The following GID4 variants were observed in gnomAD, a reference collection of about 807,000 sequenced individuals.
GID4 encodes glucose-induced degradation protein 4 homolog.
Under a neutral mutation model 32.4 loss-of-function variants are expected in GID4, and 7 were observed. The ratio of observed to expected loss-of-function variants is 0.22; its 90% CI spans 0.12 to 0.41. The LOEUF (loss-of-function observed/expected upper bound fraction) is 0.41. Ranked by LOEUF, GID4 falls within the 10% of genes least tolerant of loss-of-function variation. GID4 has a pLI of 1.00. For missense variants in GID4, 309 were observed against 400.0 expected (o/e 0.77, Z 1.94); for synonymous variants, 166 against 170.0 (o/e 0.98, Z 0.18).
intron 3 of GID4, among the ~76,000 whole-genome samples, chr17:18,054,796 A>C (rs1436878271): frequency 1.3e-5 from 2 of 152,090 alleles, no homozygotes; most frequent in African/African-American, 4.8e-5. Context: ...GAGCATTCTC[A>C]CTCAGCAGTA....
Position 18,061,134 on chromosome 17 carries a change from C to T in GID4, c.709-711C>T, listed in dbSNP as rs1042067107. On this transcript the variant is annotated intron_variant, in intron 4 of 5. Coordinates refer to ENST00000268719, the MANE Select transcript of GID4 (RefSeq NM_024052.5). The surrounding 1 kb of genome is among the most constrained non-coding windows in gnomAD (Gnocchi z 4.4). ...TTAAAAAGCAATGGGCTTGTTTTGC[C>T]TCCAAAGAATGTCTCAGAGTGGCTC... Among the ~76,000 whole-genome samples the T allele has an allele frequency of 2.6e-5, 4 of 152,168 alleles. No individual in the cohort carries two copies. The highest frequency in any genetic ancestry group is 9.7e-5 in the African/African-American group (4 of 41,424).
chr17:18,043,397 T>C (rs1019143822), intron 1 of GID4, among the ~76,000 whole-genome samples: 3 of 152,244 alleles, frequency 2.0e-5, no homozygotes, highest in African/African-American at 7.2e-5. Context: ...CCTGATACAC[T>C]TTTCAGCAGC....
In GID4 at chr17:18,065,381, G is replaced by A; in HGVS notation, c.*138G>A. ...CAGACTCGCATCACAAAGCATGAAT[G>A]TTAACCCACAGAATCCAAGGAGCAT... is the stretch of plus-strand genomic sequence containing the variant. On this transcript the variant is annotated 3_prime_UTR_variant, in exon 6 of 6. Coordinates refer to ENST00000268719, the MANE Select transcript of GID4 (RefSeq NM_024052.5). The A allele has an allele frequency of 1.4e-6, 1 of 706,360 alleles. No homozygotes were observed. Among genetic ancestry groups the A allele is most frequent in the Non-Finnish European group, 2.5e-6 (1 of 399,888 alleles). 43.8% of individuals were successfully genotyped at this position (706,360 alleles called of 1,614,324 possible).
chr17:18,056,339 A>G (rs1235820575), intron 3 of GID4, among the ~76,000 whole-genome samples: 1 of 152,264 alleles, frequency 6.6e-6, no homozygotes, highest in Non-Finnish European at 1.5e-5. Flanking sequence ...GAGAATGCAC[A>G]AGACCTGAGT....
Position 18,067,248 on chromosome 17 carries a change from G to A in GID4, c.*2005G>A, listed in dbSNP as rs1299970475. On this transcript the variant is annotated 3_prime_UTR_variant, in exon 6 of 6. Transcript: ENST00000268719. ...GCCCATACCTTCTGCATTTTTCCAG[G>A]CCTGTGAGGGATATAGGCCTCCCCT... 1.3e-5 allele frequency: 2 copies of A among 152,302 alleles called. No homozygotes were observed. The highest frequency in any genetic ancestry group is 2.4e-5 in the African/African-American group (1 of 41,438). 9.4% of individuals were successfully genotyped at this position (152,302 alleles called of 1,614,324 possible). A position where few individuals can be genotyped will look rare whatever the true frequency, so the allele number is the denominator to read the frequency against.
intron 1 of GID4, among the ~76,000 whole-genome samples, chr17:18,042,378 A>G (rs2044811473): frequency 6.6e-6 from 1 of 152,208 alleles, no homozygotes; most frequent in Non-Finnish European, 1.5e-5. Context: ...TCTATTCTGG[A>G]CATTTCATAT....
At chr17:18,040,670 CTT>C (rs1259125080) in intron 1 of GID4, among the ~76,000 whole-genome samples, 3 of 152,246 alleles carry the variant, frequency 2.0e-5, no homozygotes, top group Admixed American at 6.5e-5. Flanking sequence ...CATTTGCAGT[CTT>C]TTCCCAGTCT....
chr17:18,039,971 T>C lies in GID4; in HGVS notation c.438+69T>C. 1 of 1,276,238 alleles carries C rather than the reference T, an allele frequency of 7.8e-7. No homozygotes were observed. Among genetic ancestry groups the C allele is most frequent in the Non-Finnish European group, 9.9e-7 (1 of 1,007,208 alleles). The allele number at this position is 1,276,238 out of a possible 1,614,324, so 79.1% of individuals were successfully genotyped here. A position where few individuals can be genotyped will look rare whatever the true frequency, so the allele number is the denominator to read the frequency against. On this transcript the variant is annotated intron_variant, in intron 1 of 5. Transcript: ENST00000268719. This position sits in a 1 kb window ranked among gnomAD's most constrained non-coding sequence, Gnocchi z 5.3. Reference sequence around the variant, plus strand: ...GCTCACGGGCCGTGCCCGCTTCGGCTCCTCGACCCCGCAGCCGCGGAACAG... The same window carrying C: ...GCTCACGGGCCGTGCCCGCTTCGGCCCCTCGACCCCGCAGCCGCGGAACAG...
chr17:18,054,733 C>T (rs2044948198), intron 3 of GID4, among the ~76,000 whole-genome samples: 1 of 152,214 alleles, frequency 6.6e-6, no homozygotes, highest in Non-Finnish European at 1.5e-5. Flanking sequence ...ATAGTCTTGT[C>T]TTAAGTACAC....
Position 18,061,080 on chromosome 17 carries a change from TAAGG to T in GID4, c.709-762_709-759del, listed in dbSNP as rs1202585943. Among the ~76,000 whole-genome samples the T allele has an allele frequency of 6.6e-6, 1 of 152,162 alleles. No homozygotes were observed. The highest frequency in any genetic ancestry group is 2.4e-5 in the African/African-American group (1 of 41,424). ...AAAAGCCACAATTTTAGAAGTTGAA[TAAGG>T]AATGGGAGGGTGTCTTAAATTTGTT... On this transcript the variant is annotated intron_variant, in intron 4 of 5. Coordinates refer to ENST00000268719, the MANE Select transcript of GID4 (RefSeq NM_024052.5). The surrounding 1 kb of genome is among the most constrained non-coding windows in gnomAD (Gnocchi z 4.4).
At chr17:18,047,697 C>A (rs1157670851) in intron 2 of GID4, among the ~76,000 whole-genome samples, 1 of 152,198 alleles carries the variant, frequency 6.6e-6, no homozygotes, top group Non-Finnish European at 1.5e-5. Context: ...GTTCCTGGTC[C>A]AGCAATAAAT....
At chr17:18,049,377 A>G (rs1357185186) in intron 2 of GID4, among the ~76,000 whole-genome samples, 1 of 151,870 alleles carries the variant, frequency 6.6e-6, no homozygotes, top group African/African-American at 2.4e-5. Flanking sequence ...AAAAAAAAAA[A>G]AGGAGCTAAA....
chr17:18,054,932 G>A (rs2044950503), intron 3 of GID4, among the ~76,000 whole-genome samples: 1 of 152,178 alleles, frequency 6.6e-6, no homozygotes, highest in South Asian at 2.1e-4. Flanking sequence ...AGCACTTTGG[G>A]AGGCCGAGGC....
intron 2 of GID4, among the ~76,000 whole-genome samples, chr17:18,052,231 C>T (rs774108271): frequency 1.3e-5 from 2 of 151,846 alleles, no homozygotes; most frequent in African/African-American, 2.4e-5. Flanking sequence ...GGGTTTGGGG[C>T]AGTATTAGAT....
intron 2 of GID4, among the ~76,000 whole-genome samples, chr17:18,053,009 C>CTTTTTTTTTTTT (rs71155312): frequency 1.2e-5 from 1 of 83,276 alleles, no homozygotes; most frequent in Non-Finnish European, 2.1e-5. Context: ...AAAGTATTTA[C>CTTTTTTTTTTTT]TTTTTTTTTT....
At chr17:18,053,130 C>CA (rs1375027711) in intron 2 of GID4, among the ~76,000 whole-genome samples, 1 of 147,112 alleles carries the variant, frequency 6.8e-6, no homozygotes, top group Non-Finnish European at 1.5e-5. Context: ...TCTCCTGCCT[C>CA]AGCCTCCCGA....
chr17:18,068,283 T>C lies in GID4; in HGVS notation c.*3040T>C, dbSNP rs1482069875. ...GACTTGAATGGGCACAAAGTATAAA[T>C]ATTTTGTTTCTTTATGGAGGACATG... is the stretch of plus-strand genomic sequence containing the variant. On this transcript the variant is annotated 3_prime_UTR_variant, in exon 6 of 6. Coordinates refer to ENST00000268719, the MANE Select transcript of GID4 (RefSeq NM_024052.5). 1 of 152,630 alleles carries C rather than the reference T, an allele frequency of 6.6e-6. No individual in the cohort carries two copies. The highest frequency in any genetic ancestry group is 1.5e-5 in the Non-Finnish European group (1 of 68,046). 9.5% of individuals were successfully genotyped at this position (152,630 alleles called of 1,614,324 possible). A position where few individuals can be genotyped will look rare whatever the true frequency, so the allele number is the denominator to read the frequency against.
intron 5 of GID4, among the ~76,000 whole-genome samples, chr17:18,062,460 T>C (rs1242034045): frequency 6.6e-6 from 1 of 152,158 alleles, no homozygotes; most frequent in East Asian, 1.9e-4. Context: ...GTGTCACCAA[T>C]AGTAAAGGAC....
chr17:18,054,392 T>G (rs907037620), intron 3 of GID4, among the ~76,000 whole-genome samples, 158 bp downstream of exon 3: 1 of 152,176 alleles, frequency 6.6e-6, no homozygotes, highest in African/African-American at 2.4e-5. Flanking sequence ...CCATCTTCCT[T>G]ATGAGGACAG....
Sources: allele counts gnomAD v4.1 joint callset (sites outside exome capture counted in the v4.1 genomes callset), GRCh38; gene constraint gnomAD v4.1.1; non-coding constraint Gnocchi (gnomAD v3.1); transcripts MANE v1.5; gene names NCBI Gene and HGNC (gene_info 2026-07-23, HGNC 2026-07-21).